MREG: variants seen among roughly 807,000 people sequenced by gnomAD.
MREG encodes dilute suppressor protein homolog.
Under a neutral mutation model 28.5 loss-of-function variants are expected in MREG, and 31 were observed. The ratio of observed to expected loss-of-function variants is 1.09; its 90% CI spans 0.82 to 1.47. The LOEUF is 1.47. Among genes scored for constraint, MREG ranks in the 40% most tolerant of loss-of-function variants. The probability of loss-of-function intolerance (pLI) is 0.00; values close to 1 mark genes in which losing one functional copy is unlikely to be tolerated. For synonymous variants in MREG, 106 were observed against 95.2 expected, an observed-to-expected ratio of 1.11 and a Z score of -0.66; for missense variants, 256 against 257.4, an observed-to-expected ratio of 0.99 and a Z score of 0.04.
chr2:215,975,766 T>C lies in MREG; in HGVS notation c.255+20540A>G, dbSNP rs528320675. Among the ~76,000 whole-genome samples, 39 of 152,210 alleles carry C rather than the reference T, an allele frequency of 2.6e-4. No homozygotes were observed. The South Asian group carries it at 7.9e-3, about 31-fold the overall frequency. ...CTATCAATGGGCAACAGAGATGATA[T>C]CATTATTTGACAGGAAGACAGTCAA... is the stretch of plus-strand genomic sequence containing the variant. On this transcript the variant is annotated intron_variant, in intron 2 of 4. Transcript: ENST00000263268.
intron 1 of MREG, among the ~76,000 whole-genome samples, chr2:216,025,429 G>A (rs970409991): frequency 1.3e-5 from 2 of 152,218 alleles, no homozygotes; most frequent in African/African-American, 2.4e-5. Context: ...AGCTAACTCT[G>A]AGATGGAATT....
chr2:215,981,851 T>C lies in MREG; in HGVS notation c.255+14455A>G, dbSNP rs143202222. 2.7e-3 allele frequency among the ~76,000 whole-genome samples: 413 copies of C among 152,280 alleles called. 4 individuals are homozygous for C. Among genetic ancestry groups the C allele is most frequent in the African/African-American group, 9.5e-3 (393 of 41,554 alleles). ...TATTCAGTATCATCTCATTAGAATA[T>C]GGCAGAGGTATGCTTCTTATCCTCA... is the stretch of plus-strand genomic sequence containing the variant. On this transcript the variant is annotated intron_variant, in intron 2 of 4. Transcript: ENST00000263268.
At chr2:215,974,520 A>G (rs1407565907) in intron 2 of MREG, among the ~76,000 whole-genome samples, 1 of 152,142 alleles carries the variant, frequency 6.6e-6, no homozygotes. Flanking sequence ...GCTCCATGCA[A>G]TTAAGAGCCA....
At chr2:216,003,627 AC>A (rs753746387) in intron 1 of MREG, among the ~76,000 whole-genome samples, 2 of 152,186 alleles carry the variant, frequency 1.3e-5, no homozygotes, top group Non-Finnish European at 2.9e-5. Context: ...TGTCTCACAG[AC>A]AACACAAGCT....
intron 1 of MREG, among the ~76,000 whole-genome samples, chr2:216,020,762 G>A (rs1283014723): frequency 2.0e-5 from 3 of 152,200 alleles, no homozygotes; most frequent in Admixed American, 6.5e-5. Flanking sequence ...AAGGAGGACC[G>A]CCATCTAGAA....
chr2:216,028,541 A>C (rs1338257012), intron 1 of MREG, among the ~76,000 whole-genome samples: 1 of 151,582 alleles, frequency 6.6e-6, no homozygotes, highest in African/African-American at 2.4e-5. Context: ...AAAAAAAAAA[A>C]AAAAAAACCC....
intron 1 of MREG, among the ~76,000 whole-genome samples, chr2:216,008,551 C>T (rs868604038): frequency 6.6e-6 from 1 of 152,224 alleles, no homozygotes; most frequent in Admixed American, 6.5e-5. Flanking sequence ...TGCCCACCTG[C>T]AGCTTCCATT....
chr2:215,995,504 AC>A (rs1194827809), intron 2 of MREG, among the ~76,000 whole-genome samples: 9 of 122,370 alleles, frequency 7.4e-5, no homozygotes, highest in African/African-American at 2.9e-4. Context: ...ACCTCCACCC[AC>A]CCCACCCCCC....
At chr2:216,025,554 T>C (rs910151863) in intron 1 of MREG, among the ~76,000 whole-genome samples, 8 of 152,332 alleles carry the variant, frequency 5.3e-5, no homozygotes, top group Admixed American at 5.2e-4. Flanking sequence ...AAAGACAGAA[T>C]GAAAATTCAG....
chr2:216,030,557 T>C (rs185853766), intron 1 of MREG, among the ~76,000 whole-genome samples: 338 of 152,138 alleles, frequency 2.2e-3, no homozygotes, highest in African/African-American at 7.7e-3. Context: ...GCAATTTTTT[T>C]TTTTGAGACG....
upstream of MREG, among the ~76,000 whole-genome samples, chr2:216,014,258 C>T (rs1288783682): frequency 6.6e-6 from 1 of 152,116 alleles, no homozygotes; most frequent in Admixed American, 6.6e-5. Flanking sequence ...ACTCAGACCC[C>T]TATTGATGGA....
chr2:215,988,265 C>T (rs1693631644), intron 2 of MREG, among the ~76,000 whole-genome samples: 1 of 152,236 alleles, frequency 6.6e-6, no homozygotes, highest in South Asian at 2.1e-4. Flanking sequence ...CAGGGTGGGG[C>T]GTTGCCTCAC....
chr2:216,031,124 A>G (rs1324629628), intron 1 of MREG, among the ~76,000 whole-genome samples: 1 of 152,088 alleles, frequency 6.6e-6, no homozygotes, highest in African/African-American at 2.4e-5. Flanking sequence ...AGAGTTGCAT[A>G]GGCCAGACAT....
At position 216,013,347 on chromosome 2, in the gene MREG, C is replaced by G. The variant is rs1311261448; in HGVS notation, c.-20G>C. The G allele has an allele frequency of 6.7e-7, 1 of 1,503,392 alleles. No homozygotes were observed. Among genetic ancestry groups the G allele is most frequent in the Non-Finnish European group, 8.9e-7 (1 of 1,125,376 alleles). 93.1% of individuals were successfully genotyped at this position (1,503,392 alleles called of 1,614,324 possible). On this transcript the variant is annotated 5_prime_UTR_variant, in exon 1 of 5. Transcript: ENST00000263268. ...CCCCATGGAGAGCGAGGGCCCCCAC[C>G]GGCGCCGGAAGCCTGGGGCCGAGTC...
intron 2 of MREG, among the ~76,000 whole-genome samples, chr2:215,955,287 C>T (rs1692592631): frequency 6.6e-6 from 1 of 152,162 alleles, no homozygotes; most frequent in Non-Finnish European, 1.5e-5. Flanking sequence ...AAATGCCCCC[C>T]CATATTACAA....
chr2:215,974,852 A>ACTCTCTCT (rs749594804), intron 2 of MREG, among the ~76,000 whole-genome samples: 1 of 107,554 alleles, frequency 9.3e-6, no homozygotes, highest in Non-Finnish European at 2.0e-5. Context: ...ACACACACAC[A>ACTCTCTCT]CTCTCTCTCT....
chr2:216,008,008 A>C (rs1468854715), intron 1 of MREG, among the ~76,000 whole-genome samples: 3 of 152,066 alleles, frequency 2.0e-5, no homozygotes, highest in African/African-American at 2.4e-5. Flanking sequence ...CTAACTCTGT[A>C]TTTCCCCTAG....
chr2:215,982,210 A>AC (rs754008693), intron 2 of MREG, among the ~76,000 whole-genome samples: 88 of 152,036 alleles, frequency 5.8e-4, no homozygotes, highest in Non-Finnish European at 1.1e-3. Context: ...AATTCCAGCT[A>AC]GTTGGGAGGC....
chr2:215,947,776 T>C (rs996918457), intron 2 of MREG, among the ~76,000 whole-genome samples: 1 of 152,250 alleles, frequency 6.6e-6, no homozygotes, highest in Non-Finnish European at 1.5e-5. Context: ...TTTCCTTTGA[T>C]AGGATGAATC....
Sources: gnomAD v4.1 joint callset for allele counts (sites outside exome capture counted in the v4.1 genomes callset) on GRCh38, gnomAD v4.1.1 for gene constraint, MANE v1.5 for transcripts, NCBI Gene and HGNC (gene_info 2026-07-23, HGNC 2026-07-21) for gene names.